The following SAP130 variants were observed in gnomAD, a reference collection of about 807,000 sequenced individuals.
The protein encoded by SAP130 is histone deacetylase complex subunit SAP130.
SAP130 carries 16 observed loss-of-function variants against 103.2 expected under a neutral mutation model. That is an observed-to-expected ratio of 0.16 (90% CI 0.10 to 0.24). SAP130 has a LOEUF of 0.24. SAP130 is among the 10% of genes least tolerant of loss of function. The pLI, the probability that SAP130 is intolerant of heterozygous loss-of-function variation, is 1.00. For synonymous variants in SAP130, 477 were observed against 497.0 expected, an observed-to-expected ratio of 0.96 and a Z score of 0.53; for missense variants, 990 against 1,359.7, an observed-to-expected ratio of 0.73 and a Z score of 4.28.
chr2:128,002,257 T>G (rs1683617993), intron 7 of SAP130, among the ~76,000 whole-genome samples: 1 of 152,150 alleles, frequency 6.6e-6, no homozygotes, highest in African/African-American at 2.4e-5. Flanking sequence ...TAACATAAGA[T>G]TTTAAAACAG....
chr2:127,995,303 T>C (rs150072073), intron 11 of SAP130, among the ~76,000 whole-genome samples: 34 of 152,234 alleles, frequency 2.2e-4, no homozygotes, highest in African/African-American at 2.2e-4. Flanking sequence ...TAAAGTTCAA[T>C]AGGAATCTAG....
chr2:128,003,957 CTTTTTT>C (rs61211577), intron 7 of SAP130, among the ~76,000 whole-genome samples: 2,329 of 67,096 alleles, frequency 0.035, 1 homozygote, highest in Middle Eastern at 0.11. Flanking sequence ...CACAGATCAG[CTTTTTT>C]TTTTTTTTTT....
At chr2:128,023,229 G>C (rs1685272550) in intron 2 of SAP130, among the ~76,000 whole-genome samples, 1 of 151,902 alleles carries the variant, frequency 6.6e-6, no homozygotes, top group Non-Finnish European at 1.5e-5. Flanking sequence ...CCTGGCCTCA[G>C]GTGATCTGCC....
intron 7 of SAP130, among the ~76,000 whole-genome samples, chr2:128,007,844 A>G (rs1455442990): frequency 6.6e-6 from 1 of 152,206 alleles, no homozygotes; most frequent in Non-Finnish European, 1.5e-5. Context: ...TGGCCCACAC[A>G]TTGATCACTC....
At position 128,023,402 on chromosome 2, in the gene SAP130, C is replaced by G. The variant is rs527634450; in HGVS notation, c.112+2779G>C. Among the ~76,000 whole-genome samples, 5 of 152,312 alleles carry G rather than the reference C, an allele frequency of 3.3e-5. No individual in the cohort carries two copies. In the South Asian group the frequency reaches 1.0e-3, roughly 32 times the overall value. On this transcript the variant is annotated intron_variant, in intron 2 of 20. Transcript: ENST00000643581. Reference sequence around the variant, plus strand: ...AAGCGATCCACCTGCCTTGGCCTCCCATGGTGCTGGGATAACAGGCATGAG... The same window carrying G: ...AAGCGATCCACCTGCCTTGGCCTCCGATGGTGCTGGGATAACAGGCATGAG...
chr2:128,017,840 C>A lies in SAP130; in HGVS notation c.188G>T (p.Arg63Leu), dbSNP rs563559954. The change falls in exon 3 of 21, where the codon CGG (arginine) becomes CTG (leucine). Residue 63 changes from arginine (R) to leucine (L), a missense_variant. Coordinates refer to ENST00000643581, the MANE Select transcript of SAP130 (RefSeq NM_001330301.2). ...CACAACAGGCTCTTGCTTCTCCTCC[C>A]GGGACTGGAGGGAGCTGCTGGAACT... ...HMSSSSSLQS[R>L]EEKQEPVVVR... 5.6e-6 allele frequency: 9 copies of A among 1,614,056 alleles called. No individual in the cohort carries two copies. The highest frequency in any genetic ancestry group is 7.6e-6 in the Non-Finnish European group (9 of 1,180,052).
At position 128,017,912 on chromosome 2, in the gene SAP130, T is replaced by C. The variant is rs549539570; in HGVS notation, c.116A>G (p.Asn39Ser). 9 of 1,613,210 alleles carry C rather than the reference T, an allele frequency of 5.6e-6. No homozygotes were observed. The highest frequency in any genetic ancestry group is 6.8e-6 in the Non-Finnish European group (8 of 1,179,216). ...AGLINPAATVNDESGRDSEVS... is the reference protein window; with the variant it reads ...AGLINPAATVSDESGRDSEVS... The stretch of plus-strand genomic sequence containing the variant: ...TTCAGAATCTCGACCAGATTCATCA[T>C]TGACTAGTAAAGACATTAAGAGTGA... The change falls in exon 3 of 21, where the codon AAT becomes AGT. Residue 39 changes from asparagine to serine, a missense_variant. Physicochemically the swap from Asn to Ser is conservative, Grantham distance 46. Transcript: ENST00000643581.
At chr2:127,978,118 A>T in intron 14 of SAP130, 29 bp from the exon 15 acceptor site, 1 of 1,514,174 alleles carries the variant, frequency 6.6e-7, no homozygotes, top group South Asian at 1.2e-5. Context: ...AAACCCGGAG[A>T]ACAGCAGTCC....
chr2:127,944,378 T>A (rs1288296539), intron 19 of SAP130, among the ~76,000 whole-genome samples: 3 of 152,040 alleles, frequency 2.0e-5, no homozygotes, highest in African/African-American at 7.2e-5. Flanking sequence ...TTTATACTTG[T>A]TAAAAATTAA....
chr2:127,987,335 C>G (rs538038178), intron 13 of SAP130, among the ~76,000 whole-genome samples: 2 of 152,260 alleles, frequency 1.3e-5, no homozygotes, highest in East Asian at 1.9e-4. Context: ...CAGGCGTGCA[C>G]CACCACACCT....
intron 13 of SAP130, among the ~76,000 whole-genome samples, chr2:127,988,584 T>C (rs927750564): frequency 3.3e-5 from 5 of 151,848 alleles, no homozygotes; most frequent in South Asian, 2.1e-4. Context: ...GTGTAATGAC[T>C]CATGCTTGTA....
intron 16 of SAP130, 149 bp from the exon 17 acceptor site, chr2:127,950,557 C>T: frequency 1.1e-6 from 1 of 894,288 alleles, no homozygotes; most frequent in Non-Finnish European, 1.7e-6. Context: ...GTGCTAAGCA[C>T]TCTGTGGCAG....
Position 127,942,632 on chromosome 2 carries a change from C to A in SAP130, c.2902-95G>T. ...ACCCACCTTCAATCACCTTTGTAAA[C>A]TGTCTAAGAGTTGTTTGGGTGACAA... On this transcript the variant is annotated intron_variant, in intron 19 of 20. Transcript: ENST00000643581. The surrounding 1 kb of genome is among the most constrained non-coding windows in gnomAD (Gnocchi z 4.8). 1.4e-6 allele frequency: 1 copy of A among 736,722 alleles called. No individual in the cohort carries two copies. 45.6% of individuals were successfully genotyped at this position (736,722 alleles called of 1,614,324 possible).
chr2:128,016,155 C>T (rs910492322), intron 4 of SAP130, among the ~76,000 whole-genome samples: 8 of 151,882 alleles, frequency 5.3e-5, no homozygotes, highest in Non-Finnish European at 8.8e-5. Flanking sequence ...AGGGTCGAAT[C>T]GAGCATCTAG....
intron 7 of SAP130, among the ~76,000 whole-genome samples, chr2:128,007,014 T>C (rs983198181): frequency 8.5e-5 from 13 of 152,306 alleles, no homozygotes; most frequent in Non-Finnish European, 1.8e-4. Context: ...GTTATATGAG[T>C]GAATGCTAAA....
intron 10 of SAP130, among the ~76,000 whole-genome samples, chr2:127,998,819 G>A (rs934288358): frequency 1.3e-5 from 2 of 152,154 alleles, no homozygotes; most frequent in Non-Finnish European, 2.9e-5. Context: ...TCTGACTTTC[G>A]ATCATAGATA....
intron 7 of SAP130, among the ~76,000 whole-genome samples, chr2:128,005,391 TA>T (rs776477402): frequency 9.9e-5 from 15 of 151,974 alleles, no homozygotes; most frequent in Non-Finnish European, 1.9e-4. Context: ...CTGAGGTGGG[TA>T]AATCACCTGA....
At chr2:128,000,788 C>T (rs929566221) in intron 7 of SAP130, among the ~76,000 whole-genome samples, 43 of 152,170 alleles carry the variant, frequency 2.8e-4, no homozygotes, top group South Asian at 2.1e-4. Context: ...AGACACAGTG[C>T]TTTTGGGGGG....
At chr2:127,944,378 T>C (rs1288296539) in intron 19 of SAP130, among the ~76,000 whole-genome samples, 1 of 152,040 alleles carries the variant, frequency 6.6e-6, no homozygotes, top group Non-Finnish European at 1.5e-5. Context: ...TTTATACTTG[T>C]TAAAAATTAA....
Sources: gnomAD v4.1 joint callset for allele counts (sites outside exome capture counted in the v4.1 genomes callset) on GRCh38, gnomAD v4.1.1 for gene constraint, Gnocchi (gnomAD v3.1) non-coding constraint, MANE v1.5 for transcripts, NCBI Gene and HGNC (gene_info 2026-07-23, HGNC 2026-07-21) for gene names.